SYNPR: variants seen among roughly 807,000 people sequenced by gnomAD.
SYNPR encodes synaptoporin.
Under a neutral mutation model 32.9 loss-of-function variants are expected in SYNPR, and 23 were observed. The observed-to-expected ratio is 0.70, with a 90% CI of 0.50 to 0.99. SYNPR has a LOEUF of 0.99. SYNPR is among the 50% of genes least tolerant of loss of function. The pLI, the probability that SYNPR is intolerant of heterozygous loss-of-function variation, is 0.00. For missense variants in SYNPR, 318 were observed against 349.3 expected, an observed-to-expected ratio of 0.91 and a Z score of 0.71; for synonymous variants, 146 against 135.9, an observed-to-expected ratio of 1.07 and a Z score of -0.52.
chr3:63,247,960 T>C (rs2086304519), intron 1 of SYNPR, among the ~76,000 whole-genome samples: 1 of 152,224 alleles, frequency 6.6e-6, no homozygotes, highest in African/African-American at 2.4e-5. Context: ...TCCTTGGTGT[T>C]TGAATTATTT....
At chr3:63,264,330 T>C (rs554187044) in intron 2 of SYNPR, among the ~76,000 whole-genome samples, 1 of 152,244 alleles carries the variant, frequency 6.6e-6, no homozygotes, top group East Asian at 1.9e-4. Flanking sequence ...AGATCGGTGA[T>C]GAATATGATG....
chr3:63,304,261 A>G (rs1229850531), intron 2 of SYNPR, among the ~76,000 whole-genome samples: 2 of 151,986 alleles, frequency 1.3e-5, no homozygotes, highest in Non-Finnish European at 2.9e-5. Flanking sequence ...GGAGAAAGAA[A>G]GACGTAACTG....
chr3:63,400,029 C>A (rs1296897400), intron 2 of SYNPR, among the ~76,000 whole-genome samples: 2 of 152,092 alleles, frequency 1.3e-5, no homozygotes, highest in Non-Finnish European at 2.9e-5. Context: ...TGAACCAGTC[C>A]CCAGCCCATT....
intron 2 of SYNPR, among the ~76,000 whole-genome samples, chr3:63,300,222 A>G (rs752910403): frequency 1.3e-5 from 2 of 152,108 alleles, no homozygotes; most frequent in African/African-American, 2.4e-5. Context: ...TCTACCTTGC[A>G]AATTATACTT....
At chr3:63,279,598 C>T (rs577133339) in intron 2 of SYNPR, among the ~76,000 whole-genome samples, 5 of 152,298 alleles carry the variant, frequency 3.3e-5, no homozygotes, top group African/African-American at 9.6e-5. Context: ...GCAGGTCACA[C>T]GTTTCGTCTT....
At chr3:63,593,935 G>A (rs1286039303) in intron 4 of SYNPR, among the ~76,000 whole-genome samples, 3 of 152,058 alleles carry the variant, frequency 2.0e-5, no homozygotes, top group Admixed American at 1.3e-4. Context: ...GCCCATAGCA[G>A]GGAAGATAAT....
At chr3:63,271,639 A>G (rs2086536149) in intron 3 of SYNPR, among the ~76,000 whole-genome samples, 1 of 152,158 alleles carries the variant, frequency 6.6e-6, no homozygotes. Flanking sequence ...TCCCTAAAAC[A>G]GAAGTAAAAT....
At position 63,316,438 on chromosome 3, in the gene SYNPR, C is replaced by T. The variant is rs543010855; in HGVS notation, c.84+37696C>T. Reference sequence around the variant, plus strand: ...CTTGTTATTTGTCTGTTCAGGATATCGAATTCTTCCTGGTTTAAGCTAGGA... The same window carrying T: ...CTTGTTATTTGTCTGTTCAGGATATTGAATTCTTCCTGGTTTAAGCTAGGA... On this transcript the variant is annotated intron_variant, in intron 2 of 5. Coordinates refer to ENST00000478300, the MANE Select transcript of SYNPR (RefSeq NM_001130003.2). 3.3e-5 allele frequency among the ~76,000 whole-genome samples: 5 copies of T among 151,972 alleles called. No homozygotes were observed. In the East Asian group the frequency reaches 7.8e-4, roughly 24 times the overall value.
intron 2 of SYNPR, among the ~76,000 whole-genome samples, chr3:63,400,730 A>C (rs1018253126): frequency 2.6e-5 from 4 of 152,238 alleles, no homozygotes; most frequent in Non-Finnish European, 5.9e-5. Flanking sequence ...AGGAGTGTCA[A>C]AGAATTTGTG....
At chr3:63,385,771 T>A (rs112796469) in intron 2 of SYNPR, among the ~76,000 whole-genome samples, 4 of 152,172 alleles carry the variant, frequency 2.6e-5, no homozygotes, top group Admixed American at 2.6e-4. Flanking sequence ...GTTACATATG[T>A]GAGGAAACAC....
At chr3:63,359,655 C>T (rs2087630666) in intron 2 of SYNPR, among the ~76,000 whole-genome samples, 1 of 152,114 alleles carries the variant, frequency 6.6e-6, no homozygotes, top group Non-Finnish European at 1.5e-5. Flanking sequence ...GTTAAGGAGA[C>T]AATGCAGGCA....
intron 2 of SYNPR, among the ~76,000 whole-genome samples, chr3:63,396,826 C>A (rs945249619): frequency 2.0e-5 from 3 of 152,132 alleles, no homozygotes; most frequent in African/African-American, 7.2e-5. Flanking sequence ...TAACATTGGC[C>A]GAGCGCGGTG....
chr3:63,254,823 G>T (rs191060894), intron 2 of SYNPR, among the ~76,000 whole-genome samples: 48 of 152,264 alleles, frequency 3.2e-4, no homozygotes, highest in African/African-American at 1.1e-3. Context: ...ATATAATTAA[G>T]TTATAATGAA....
intron 4 of SYNPR, among the ~76,000 whole-genome samples, chr3:63,557,116 A>ATATC (rs752835743): frequency 6.6e-6 from 1 of 152,096 alleles, no homozygotes; most frequent in Non-Finnish European, 1.5e-5. Flanking sequence ...TCATCTCTGT[A>ATATC]TATCTATCTA....
intron 3 of SYNPR, among the ~76,000 whole-genome samples, chr3:63,267,652 A>C (rs1173971482): frequency 6.6e-6 from 1 of 152,228 alleles, no homozygotes; most frequent in Non-Finnish European, 1.5e-5. Flanking sequence ...AGCAAATCCC[A>C]GCATCTTCTA....
chr3:63,596,606 C>T (rs1699963510), intron 4 of SYNPR, among the ~76,000 whole-genome samples: 1 of 152,090 alleles, frequency 6.6e-6, no homozygotes, highest in African/African-American at 2.4e-5. Flanking sequence ...CACTGATTTG[C>T]TTTCAGACCA....
At chr3:63,226,621 G>C (rs1005409159), upstream of SYNPR, among the ~76,000 whole-genome samples, 2 of 152,156 alleles carry the variant, frequency 1.3e-5, no homozygotes. Context: ...AATACCTCAT[G>C]TTCTCACTCA....
At chr3:63,225,399 A>G (rs949328539), upstream of SYNPR, among the ~76,000 whole-genome samples, 7 of 152,176 alleles carry the variant, frequency 4.6e-5, no homozygotes, top group Admixed American at 6.5e-5. Context: ...TCTCACTGCT[A>G]TCTGGCTGGC....
At chr3:63,263,554 C>T (rs907272571) in intron 2 of SYNPR, among the ~76,000 whole-genome samples, 1 of 152,200 alleles carries the variant, frequency 6.6e-6, no homozygotes, top group Admixed American at 6.5e-5. Flanking sequence ...AGAGGAGGCT[C>T]ACGTCTGTTC....
Sources: allele counts gnomAD v4.1 joint callset (sites outside exome capture counted in the v4.1 genomes callset), GRCh38; gene constraint gnomAD v4.1.1; transcripts MANE v1.5; gene names NCBI Gene and HGNC (gene_info 2026-07-23, HGNC 2026-07-21).